Variants in ELK1 observed in about 807,000 individuals in gnomAD.
ELK1 encodes the protein ETS domain-containing protein Elk-1.
For synonymous variants in ELK1, 163 were observed against 176.3 expected (o/e 0.92, Z 0.60); for missense variants, 254 against 381.5 (o/e 0.67, Z 2.78).
chrX:47,638,138 C>G lies in ELK1; in HGVS notation c.699G>C (p.Glu233Asp). 8.3e-7 allele frequency: 1 copy of G among 1,210,601 alleles called. No homozygotes were observed. The highest frequency in any genetic ancestry group is 1.1e-6 in the Non-Finnish European group (1 of 894,975). The change falls in exon 5 of 7, where the codon GAG becomes GAC. Residue 233 changes from glutamate (E) to aspartate (D), a missense_variant. Transcript: ENST00000376983. ...GGCCCAAACCCGGCTCCACATTAAG[C>G]TCTTCCGATTTCAGGTTTGGGGCCT... Reference protein sequence around the residue: ...PPEAPNLKSEELNVEPGLGRA... With the variant: ...PPEAPNLKSEDLNVEPGLGRA...
At position 47,639,099 on chromosome X, in the gene ELK1, C is replaced by A; in HGVS notation, c.450G>T (p.Arg150=). The part of the protein sequence containing the change: ...AGPGGLARSS[R]NEYMRSGLYS... ...AGAGGCCCGAGCGCATGTACTCGTTCCGGCTGCTGCGTGCCAAACCGCCTG... is the reference window on the plus strand; with the variant it reads ...AGAGGCCCGAGCGCATGTACTCGTTACGGCTGCTGCGTGCCAAACCGCCTG... The change falls in exon 4 of 7, where the codon CGG becomes CGT. Residue 150 remains arginine, a synonymous_variant. Transcript: ENST00000376983. The A allele has an allele frequency of 8.3e-7, 1 of 1,200,466 alleles. No homozygotes were observed. Among genetic ancestry groups the A allele is most frequent in the Non-Finnish European group, 1.1e-6 (1 of 889,968 alleles).
chrX:47,637,167 G>A, intron 5 of ELK1, 53 bp from the exon 6 acceptor site: 1 of 1,107,699 alleles, frequency 9.0e-7, no homozygotes, highest in Non-Finnish European at 1.2e-6. Flanking sequence ...GATGTGGGAT[G>A]CTGGAAGGGA....
intron 2 of ELK1, among the ~76,000 whole-genome samples, chrX:47,645,748 C>T (rs1247371998): frequency 8.9e-6 from 1 of 112,278 alleles, no homozygotes; most frequent in African/African-American, 3.2e-5. Context: ...ACGGGCTGCT[C>T]TCCCCGCAGG....
chrX:47,648,398 G>A (rs769514023), intron 2 of ELK1, among the ~76,000 whole-genome samples: 1 of 112,798 alleles, frequency 8.9e-6, no homozygotes, highest in African/African-American at 3.2e-5. Context: ...CCTCAGTCTT[G>A]TGAACACATC....
In ELK1 at chrX:47,638,879, A is replaced by G. The variant is rs1167451051; in HGVS notation, c.654+16T>C. On this transcript the variant is annotated intron_variant, in intron 4 of 6. Transcript: ENST00000376983. ...TACTGCCTCCTCTTACTGAATTTCT[A>G]TATTCCAGTCCTTACCTGCAGAGGC... 9 of 1,191,078 alleles carry G rather than the reference A, an allele frequency of 7.6e-6. No homozygotes were observed. The East Asian group carries it at 2.7e-4, about 36-fold the overall frequency.
intron 2 of ELK1, among the ~76,000 whole-genome samples, chrX:47,642,602 C>CT (rs1297945676): frequency 5.7e-4 from 51 of 89,350 alleles, no homozygotes; most frequent in African/African-American, 1.1e-3. Flanking sequence ...TTTTTTTTTT[C>CT]TTTTTTTTTG....
chrX:47,639,256 T>G lies in ELK1; in HGVS notation c.293A>C (p.Asp98Ala). 8.3e-7 allele frequency: 1 copy of G among 1,210,132 alleles called. No homozygotes were observed. The highest frequency in any genetic ancestry group is 1.7e-5 in the African/African-American group (1 of 57,643). ...AGACACCTCTGGCTGGGGCGGGCAG[T>G]CCTCAGTGGAGCACCCTGCGACCTC... ...YPEVAGCSTE[D>A]CPPQPEVSVT... Residue 98 changes from aspartate (D) to alanine (A), a missense_variant, in exon 4 of 7, where the codon GAC (aspartate) becomes GCC (alanine). Transcript: ENST00000376983.
At chrX:47,646,295 G>C (rs1231531651) in intron 2 of ELK1, among the ~76,000 whole-genome samples, 2 of 111,804 alleles carry the variant, frequency 1.8e-5, no homozygotes, top group African/African-American at 3.3e-5. Context: ...CTTTAGGAGA[G>C]TGTATTATGC....
rs1384311385 is a variant in ELK1 at position 47,636,658 on chromosome X, TGGA to T, written c.*168_*170del. 6.6e-6 allele frequency: 3 copies of T among 457,102 alleles called. No homozygotes were observed. Among genetic ancestry groups the T allele is most frequent in the Admixed American group, 4.5e-5 (1 of 22,448 alleles). The allele number at this position is 457,102 out of a possible 1,213,427, so 37.7% of individuals were successfully genotyped here. ...AGTTGTGGAAGCTGTGTGTTTTCTGTGGAGGAGATAATGAGAGTTACTCTTGGG... is the reference window on the plus strand; with the variant it reads ...AGTTGTGGAAGCTGTGTGTTTTCTGTGGAGATAATGAGAGTTACTCTTGGG... On this transcript the variant is annotated 3_prime_UTR_variant, in exon 7 of 7. Transcript: ENST00000376983.
chrX:47,649,835 G>A (rs1272182818), intron 2 of ELK1, 86 bp downstream of exon 2: 2 of 46,181 alleles, frequency 4.3e-5, no homozygotes, highest in African/African-American at 2.4e-4. Flanking sequence ...GGTGGTGGTG[G>A]GGGGGGGGGG....
chrX:47,641,504 C>A, intron 2 of ELK1, 29 bp from the exon 3 acceptor site: 1 of 1,105,100 alleles, frequency 9.0e-7, no homozygotes, highest in African/African-American at 1.8e-5. Context: ...AGTTGAGAGG[C>A]TGTGGACATA....
chrX:47,638,454 G>A (rs970896803), intron 4 of ELK1, among the ~76,000 whole-genome samples: 1 of 112,442 alleles, frequency 8.9e-6, no homozygotes, highest in African/African-American at 3.2e-5. Context: ...CATTAAAACA[G>A]TGGTTCTCAA....
intron 2 of ELK1, chrX:47,649,296 A>G (rs2058052279): frequency 9.0e-6 from 1 of 110,999 alleles, no homozygotes; most frequent in Non-Finnish European, 1.9e-5. Context: ...CTGACCCACT[A>G]TTAAGAGGTG....
At chrX:47,645,601 G>T (rs149021425) in intron 2 of ELK1, among the ~76,000 whole-genome samples, 1,999 of 112,354 alleles carry the variant, frequency 0.018, 20 homozygotes, top group Middle Eastern at 0.051. Context: ...TGGCCTGAAG[G>T]AGGGGAGGTA....
At chrX:47,643,912 G>A (rs1035210686) in intron 2 of ELK1, among the ~76,000 whole-genome samples, 2 of 111,596 alleles carry the variant, frequency 1.8e-5, no homozygotes, top group African/African-American at 6.5e-5. Context: ...AGGCTAAACG[G>A]CCCCTCACAC....
At chrX:47,639,409 AGGAGGGGG>A in intron 3 of ELK1, 71 bp from the exon 4 acceptor site, 1 of 521,571 alleles carries the variant, frequency 1.9e-6, no homozygotes, top group Non-Finnish European at 3.1e-6. Context: ...GTCAGGGGGG[AGGAGGGGG>A]GTGGAGTGGC....
chrX:47,636,661 A>G lies in ELK1; in HGVS notation c.*168T>C. On this transcript the variant is annotated 3_prime_UTR_variant, in exon 7 of 7. Transcript: ENST00000376983. ...TGTGGAAGCTGTGTGTTTTCTGTGG[A>G]GGAGATAATGAGAGTTACTCTTGGG... is the stretch of plus-strand genomic sequence containing the variant. The G allele has an allele frequency of 2.2e-6, 1 of 462,311 alleles. No individual in the cohort carries two copies. 38.1% of individuals were successfully genotyped at this position (462,311 alleles called of 1,213,427 possible).
In ELK1 at chrX:47,638,113, G is replaced by A. The variant is rs371259584; in HGVS notation, c.724C>T (p.Arg242Trp). 6 of 1,209,163 alleles carry A rather than the reference G, an allele frequency of 5.0e-6. No individual in the cohort carries two copies. The African/African-American group carries it at 1.0e-4, about 21-fold the overall frequency. ...EELNVEPGLG[R>W]ALPPEVKVEG... is the part of the protein sequence containing the mutation. ...ACTTTCACTTCTGGGGGCAAAGCCC[G>A]GCCCAAACCCGGCTCCACATTAAGC... is the stretch of plus-strand genomic sequence containing the variant. Residue 242 changes from arginine to tryptophan, a missense_variant, in exon 5 of 7, where the codon CGG (arginine) becomes TGG (tryptophan). Physicochemically the swap from Arg to Trp is moderately radical, Grantham distance 101. Transcript: ENST00000376983.
chrX:47,637,316 G>A (rs1374736501), intron 5 of ELK1, among the ~76,000 whole-genome samples: 2 of 109,889 alleles, frequency 1.8e-5, no homozygotes, highest in Non-Finnish European at 3.8e-5. Context: ...CCCCACTCCC[G>A]AGAGCCCACC....
Sources: allele counts gnomAD v4.1 joint callset (sites outside exome capture counted in the v4.1 genomes callset), GRCh38; gene constraint gnomAD v4.1.1; transcripts MANE v1.5; gene names NCBI Gene and HGNC (gene_info 2026-07-23, HGNC 2026-07-21).